The following YIPF4 variants were observed in gnomAD, a reference collection of about 807,000 sequenced individuals.
YIPF4 encodes Yip1 domain family member 4.
YIPF4 carries 18 observed loss-of-function variants against 29.4 expected under a neutral mutation model. The ratio of observed to expected loss-of-function variants is 0.61; its 90% confidence interval spans 0.42 to 0.91. YIPF4 has a LOEUF of 0.91. YIPF4 is among the 40% of genes least tolerant of loss of function. The probability of loss-of-function intolerance (pLI) is 0.00; values close to 1 mark genes in which losing one functional copy is unlikely to be tolerated. For missense variants in YIPF4, 279 were observed against 282.7 expected (o/e 0.99, Z 0.09); for synonymous variants, 115 against 104.7 (o/e 1.10, Z -0.60).
Position 32,315,772 on chromosome 2 carries a change from A to G in YIPF4, c.*10146A>G, listed in dbSNP as rs963239269. On this transcript the variant is annotated 3_prime_UTR_variant, in exon 6 of 6. Transcript: ENST00000238831. ...AAAAGAAAAATATAAAGCTGGATCT[A>G]TACCTCACTCCTTATACCAAAGTAC... 9 of 152,160 alleles carry G rather than the reference A, an allele frequency of 5.9e-5. No individual in the cohort carries two copies. Among genetic ancestry groups the G allele is most frequent in the African/African-American group, 1.9e-4 (8 of 41,444 alleles). The allele number at this position is 152,160 out of a possible 1,614,324, so 9.4% of individuals were successfully genotyped here.
At chr2:32,281,195 C>T (rs2030396080) in intron 1 of YIPF4, among the ~76,000 whole-genome samples, 1 of 151,794 alleles carries the variant, frequency 6.6e-6, no homozygotes, top group South Asian at 2.1e-4. Flanking sequence ...TTATATCGTA[C>T]AGTTTAAATT....
intron 5 of YIPF4, among the ~76,000 whole-genome samples, chr2:32,305,179 C>A (rs934593648): frequency 6.6e-6 from 1 of 152,004 alleles, no homozygotes; most frequent in African/African-American, 2.4e-5. Flanking sequence ...GAAATTATAG[C>A]TCAAAGAAAA....
In YIPF4 at chr2:32,292,297, T is replaced by C. The variant is rs2030952859; in HGVS notation, c.354T>C (p.Pro118=). The part of the protein sequence containing the change: ...VVRDNPDFWG[P]LAVVLFFSMI... ...GAGACAATCCTGACTTTTGGGGTCCTCTGGCTGTTGTTCTTTTCTTTTCCA... is the reference window on the plus strand; with the variant it reads ...GAGACAATCCTGACTTTTGGGGTCCCCTGGCTGTTGTTCTTTTCTTTTCCA... Residue 118 remains proline (P), a synonymous_variant, in exon 3 of 6, where the codon CCT becomes CCC. Transcript: ENST00000238831. The C allele has an allele frequency of 6.2e-7, 1 of 1,604,602 alleles. No homozygotes were observed. Among genetic ancestry groups the C allele is most frequent in the Non-Finnish European group, 8.5e-7 (1 of 1,175,098 alleles).
intron 5 of YIPF4, among the ~76,000 whole-genome samples, chr2:32,302,887 CTGATAA>C (rs940005861): frequency 1.3e-5 from 2 of 152,090 alleles, no homozygotes; most frequent in Non-Finnish European, 2.9e-5. Context: ...TACGCTGATA[CTGATAA>C]TAAGCATTGG....
Position 32,309,681 on chromosome 2 carries a change from C to CTTTTTTTTTTTTT in YIPF4, c.*4068_*4080dup, listed in dbSNP as rs200229465. 1.7e-5 allele frequency: 2 copies of CTTTTTTTTTTTTT among 116,268 alleles called. No individual in the cohort carries two copies. Among genetic ancestry groups the CTTTTTTTTTTTTT allele is most frequent in the Non-Finnish European group, 3.4e-5 (2 of 58,380 alleles). 7.2% of individuals were successfully genotyped at this position (116,268 alleles called of 1,614,324 possible). ...TTTTAGGCTTTAGGGAATTGTGACCCTTTTTTTTTTTTTTTTTTTTTTTTT... is the reference window on the plus strand; with the variant it reads ...TTTTAGGCTTTAGGGAATTGTGACCCTTTTTTTTTTTTTTTTTTTTTTTTTTTTTTTTTTTTTT... On this transcript the variant is annotated 3_prime_UTR_variant, in exon 6 of 6. Transcript: ENST00000238831.
intron 3 of YIPF4, among the ~76,000 whole-genome samples, chr2:32,293,920 G>A (rs1464729337): frequency 2.0e-5 from 3 of 149,506 alleles, no homozygotes; most frequent in African/African-American, 7.4e-5. Context: ...CTCCCGGACG[G>A]GGCGGCTGGC....
At chr2:32,288,557 C>T (rs904813246) in intron 1 of YIPF4, among the ~76,000 whole-genome samples, 22 of 152,212 alleles carry the variant, frequency 1.4e-4, no homozygotes, top group Admixed American at 1.4e-3. Flanking sequence ...ACCTGTAATC[C>T]CAGCACTTGG....
chr2:32,300,866 T>C (rs1460795441), intron 4 of YIPF4, among the ~76,000 whole-genome samples: 1 of 152,240 alleles, frequency 6.6e-6, no homozygotes, highest in African/African-American at 2.4e-5. Flanking sequence ...AGGATTGTTA[T>C]TTCATTTACT....
chr2:32,313,041 C>T lies in YIPF4; in HGVS notation c.*7415C>T, dbSNP rs966996655. On this transcript the variant is annotated 3_prime_UTR_variant, in exon 6 of 6. Transcript: ENST00000238831. ...ATACACACACCCTGACTTTAATGAG[C>T]TTATTTTGCTGGGGACTCAGCCAAT... The T allele has an allele frequency of 1.3e-5, 2 of 152,034 alleles. No individual in the cohort carries two copies. The highest frequency in any genetic ancestry group is 4.8e-5 in the African/African-American group (2 of 41,410). The allele number at this position is 152,034 out of a possible 1,614,324, so 9.4% of individuals were successfully genotyped here. A position where few individuals can be genotyped will look rare whatever the true frequency, so the allele number is the denominator to read the frequency against.
intron 3 of YIPF4, among the ~76,000 whole-genome samples, chr2:32,295,114 A>T (rs1208863976): frequency 6.6e-6 from 1 of 151,970 alleles, no homozygotes; most frequent in Non-Finnish European, 1.5e-5. Context: ...TCTGTTCTTA[A>T]AATGACCGTT....
In YIPF4 at chr2:32,314,162, C is replaced by G. The variant is rs2031775626; in HGVS notation, c.*8536C>G. The G allele has an allele frequency of 6.6e-6, 1 of 152,104 alleles. No homozygotes were observed. The allele number at this position is 152,104 out of a possible 1,614,324, so 9.4% of individuals were successfully genotyped here. A position where few individuals can be genotyped will look rare whatever the true frequency, so the allele number is the denominator to read the frequency against. The stretch of plus-strand genomic sequence containing the variant: ...AACATGTCCATCAACACAGAATAGA[C>G]AAGTTGGTATAATTACACAATGGAA... On this transcript the variant is annotated 3_prime_UTR_variant, in exon 6 of 6. Transcript: ENST00000238831.
At chr2:32,293,885 CG>C (rs1156644914) in intron 3 of YIPF4, among the ~76,000 whole-genome samples, 3 of 131,922 alleles carry the variant, frequency 2.3e-5, no homozygotes, top group Non-Finnish European at 3.2e-5. Context: ...GCTGGCCGGG[CG>C]GGGGGCTGAC....
chr2:32,285,115 A>G (rs1020919042), intron 1 of YIPF4, among the ~76,000 whole-genome samples: 6 of 152,174 alleles, frequency 3.9e-5, no homozygotes, highest in African/African-American at 1.4e-4. Flanking sequence ...TGAGCTTGCT[A>G]CTGGTGGTAG....
At chr2:32,288,294 C>T (rs1036305917) in intron 1 of YIPF4, among the ~76,000 whole-genome samples, 5 of 152,162 alleles carry the variant, frequency 3.3e-5, no homozygotes, top group Middle Eastern at 3.4e-3. Flanking sequence ...CTTGCATCTG[C>T]GCTATGACAA....
intron 1 of YIPF4, among the ~76,000 whole-genome samples, chr2:32,279,995 C>G (rs2030320002): frequency 6.7e-6 from 1 of 149,432 alleles, no homozygotes; most frequent in Non-Finnish European, 1.5e-5. Flanking sequence ...TTCCTGGGCT[C>G]CAGTGATCCT....
chr2:32,305,085 TATA>T (rs910261399), intron 5 of YIPF4, among the ~76,000 whole-genome samples: 31 of 152,262 alleles, frequency 2.0e-4, no homozygotes, highest in African/African-American at 7.5e-4. Context: ...AGTAATTTGG[TATA>T]ATAATAGTTT....
Position 32,309,151 on chromosome 2 carries a change from A to G in YIPF4, c.*3525A>G, listed in dbSNP as rs1156327668. 1 of 152,164 alleles carries G rather than the reference A, an allele frequency of 6.6e-6. No individual in the cohort carries two copies. Among genetic ancestry groups the G allele is most frequent in the African/African-American group, 2.4e-5 (1 of 41,444 alleles). The allele number at this position is 152,164 out of a possible 1,614,324, so 9.4% of individuals were successfully genotyped here. A position where few individuals can be genotyped will look rare whatever the true frequency, so the allele number is the denominator to read the frequency against. On this transcript the variant is annotated 3_prime_UTR_variant, in exon 6 of 6. Coordinates refer to ENST00000238831, the MANE Select transcript of YIPF4 (RefSeq NM_032312.4). ...AAACCTTATTTCTAAGGTCTGTAAGACAGTTTTATATGTAATAATGTGTCC... is the reference window on the plus strand; with the variant it reads ...AAACCTTATTTCTAAGGTCTGTAAGGCAGTTTTATATGTAATAATGTGTCC...
rs2031724161 is a variant in YIPF4, at chr2:32,312,019, A to G, written c.*6393A>G. 6.6e-6 allele frequency: 1 copy of G among 152,220 alleles called. No individual in the cohort carries two copies. The highest frequency in any genetic ancestry group is 2.1e-4 in the South Asian group (1 of 4,834). The allele number at this position is 152,220 out of a possible 1,614,324, so 9.4% of individuals were successfully genotyped here. On this transcript the variant is annotated 3_prime_UTR_variant, in exon 6 of 6. Coordinates refer to ENST00000238831, the MANE Select transcript of YIPF4 (RefSeq NM_032312.4). ...TTTTAATAGTAAGCACCATTTAATA[A>G]TGAAACAACTCATATGTTTTGTAAT...
chr2:32,301,681 A>T (rs1395209152), intron 5 of YIPF4, among the ~76,000 whole-genome samples, 186 bp downstream of exon 5: 1 of 152,114 alleles, frequency 6.6e-6, no homozygotes. Flanking sequence ...TAATCACCAG[A>T]TATTACTGTT....
Sources: allele counts gnomAD v4.1 joint callset (sites outside exome capture counted in the v4.1 genomes callset), GRCh38; gene constraint gnomAD v4.1.1; transcripts MANE v1.5; gene names NCBI Gene and HGNC (gene_info 2026-07-23, HGNC 2026-07-21).